Variants in MARCHF11 observed in about 807,000 individuals in gnomAD.
MARCHF11 encodes E3 ubiquitin-protein ligase MARCHF11.
In MARCHF11, 29 loss-of-function variants were observed where a neutral mutation model predicts 37.3. That is an observed-to-expected ratio of 0.78 (90% CI 0.58 to 1.06). The LOEUF is 1.06. Ranked by LOEUF, MARCHF11 falls within the 50% of genes least tolerant of loss-of-function variation. The probability of loss-of-function intolerance (pLI) is 0.00; values close to 1 mark genes in which losing one functional copy is unlikely to be tolerated. For synonymous variants in MARCHF11, 233 were observed against 228.0 expected, an observed-to-expected ratio of 1.02 and a Z score of -0.20; for missense variants, 482 against 533.4, an observed-to-expected ratio of 0.90 and a Z score of 0.95.
chr5:16,095,844 A>G (rs1162012120), intron 2 of MARCHF11, among the ~76,000 whole-genome samples: 2 of 152,178 alleles, frequency 1.3e-5, no homozygotes, highest in Non-Finnish European at 2.9e-5. Context: ...TCCCGGTGGC[A>G]GAAGCTGAGT....
chr5:16,085,967 A>AAAAAAAAAAAAT (rs1736692434), intron 3 of MARCHF11, among the ~76,000 whole-genome samples: 1 of 140,012 alleles, frequency 7.1e-6, no homozygotes, highest in South Asian at 2.4e-4. Flanking sequence ...AAAAAAAAAA[A>AAAAAAAAAAAAT]AAAAAAAAAA....
intron 2 of MARCHF11, among the ~76,000 whole-genome samples, chr5:16,146,409 C>G (rs2126594870): frequency 6.6e-6 from 1 of 152,264 alleles, no homozygotes; most frequent in East Asian, 1.9e-4. Context: ...CTATTTCTTC[C>G]CTTTCCACGG....
At chr5:16,147,133 G>A (rs1737811845) in intron 2 of MARCHF11, among the ~76,000 whole-genome samples, 1 of 152,130 alleles carries the variant, frequency 6.6e-6, no homozygotes, top group Admixed American at 6.5e-5. Context: ...TGCATTTAGA[G>A]GCAGGCACAG....
At position 16,109,657 on chromosome 5, in the gene MARCHF11, G is replaced by T. The variant is rs190186754; in HGVS notation, c.694-18576C>A. Among the ~76,000 whole-genome samples, 700 of 152,010 alleles carry T rather than the reference G, an allele frequency of 4.6e-3. 1 individual carries two copies. Among genetic ancestry groups the T allele is most frequent in the Non-Finnish European group, 7.1e-3 (480 of 68,002 alleles). On this transcript the variant is annotated intron_variant, in intron 2 of 3. Transcript: ENST00000332432. Reference sequence around the variant, plus strand: ...GCTAACAACTGGACCCAAGGCAGGTGGGGGGAGGCATGGAAACCCACAACT... The same window carrying T: ...GCTAACAACTGGACCCAAGGCAGGTTGGGGGAGGCATGGAAACCCACAACT...
At chr5:16,173,214 G>A (rs1017329373) in intron 2 of MARCHF11, among the ~76,000 whole-genome samples, 3 of 152,186 alleles carry the variant, frequency 2.0e-5, no homozygotes, top group Admixed American at 6.5e-5. Flanking sequence ...AAGAAGGAAA[G>A]TTGGTGAACA....
intron 3 of MARCHF11, among the ~76,000 whole-genome samples, chr5:16,087,359 T>C (rs1316614571): frequency 6.6e-6 from 1 of 152,224 alleles, no homozygotes; most frequent in Non-Finnish European, 1.5e-5. Flanking sequence ...TTTCACTTTA[T>C]TCACCTCTCT....
intron 2 of MARCHF11, among the ~76,000 whole-genome samples, chr5:16,106,798 A>G (rs1737048504): frequency 6.6e-6 from 1 of 152,010 alleles, no homozygotes; most frequent in African/African-American, 2.4e-5. Flanking sequence ...GCAACAAAAA[A>G]CCCTTCTGAC....
At chr5:16,162,289 A>C (rs1052554900) in intron 2 of MARCHF11, among the ~76,000 whole-genome samples, 1 of 151,966 alleles carries the variant, frequency 6.6e-6, no homozygotes. Flanking sequence ...GCTAGATATA[A>C]AATAGATTGA....
At chr5:16,168,208 A>G (rs1738202119) in intron 2 of MARCHF11, among the ~76,000 whole-genome samples, 1 of 152,060 alleles carries the variant, frequency 6.6e-6, no homozygotes, top group African/African-American at 2.4e-5. Flanking sequence ...GGTAACAAAT[A>G]TGAGTTTCAG....
intron 2 of MARCHF11, among the ~76,000 whole-genome samples, chr5:16,133,074 ATTT>A (rs11361544): frequency 6.6e-6 from 1 of 151,422 alleles, no homozygotes. Flanking sequence ...TCCTAAAATG[ATTT>A]TTTTTTAAGT....
At chr5:16,090,853 C>A in intron 3 of MARCHF11, 36 bp downstream of exon 3, 1 of 1,408,178 alleles carries the variant, frequency 7.1e-7, no homozygotes. Context: ...AAATGGATTA[C>A]TGACAGTGTG....
chr5:16,088,274 C>T (rs1736732557), intron 3 of MARCHF11, among the ~76,000 whole-genome samples: 1 of 152,182 alleles, frequency 6.6e-6, no homozygotes, highest in Admixed American at 6.5e-5. Flanking sequence ...GCACATCCCA[C>T]TGTATTCTAA....
At chr5:16,164,230 T>A (rs371989988) in intron 2 of MARCHF11, among the ~76,000 whole-genome samples, 2 of 152,136 alleles carry the variant, frequency 1.3e-5, no homozygotes, top group South Asian at 4.1e-4. Flanking sequence ...ATAAACATAT[T>A]TGCACCTAAC....
intron 2 of MARCHF11, among the ~76,000 whole-genome samples, chr5:16,158,891 C>T (rs901806083): frequency 6.6e-6 from 1 of 151,726 alleles, no homozygotes; most frequent in Non-Finnish European, 1.5e-5. Context: ...GTGTTTGTTG[C>T]CCCCTCCCTG....
intron 2 of MARCHF11, among the ~76,000 whole-genome samples, chr5:16,127,456 C>T (rs569940427): frequency 3.4e-4 from 52 of 152,244 alleles, no homozygotes; most frequent in East Asian, 1.9e-4. Context: ...TGTGAGCAAA[C>T]GGAACTTTTT....
At chr5:16,151,649 A>ATGTGTG (rs58891017) in intron 2 of MARCHF11, among the ~76,000 whole-genome samples, 36,529 of 131,164 alleles carry the variant, frequency 0.28, 5,487 homozygotes, top group Non-Finnish European at 0.33. Flanking sequence ...CGTGAGTTGA[A>ATGTGTG]TGTGTGTGTG....
chr5:16,093,045 C>T (rs187733275), intron 2 of MARCHF11, among the ~76,000 whole-genome samples: 4 of 152,230 alleles, frequency 2.6e-5, no homozygotes, highest in East Asian at 3.9e-4. Flanking sequence ...CCTAAATGGG[C>T]GCTACCATGT....
chr5:16,170,193 T>C (rs1738235945), intron 2 of MARCHF11, among the ~76,000 whole-genome samples: 1 of 152,128 alleles, frequency 6.6e-6, no homozygotes, highest in African/African-American at 2.4e-5. Flanking sequence ...ATATCCATGA[T>C]CATACAGTAA....
At chr5:16,153,327 C>T (rs1430012312) in intron 2 of MARCHF11, among the ~76,000 whole-genome samples, 1 of 151,896 alleles carries the variant, frequency 6.6e-6, no homozygotes, top group Non-Finnish European at 1.5e-5. Context: ...GCTGTGAAAA[C>T]AAGGACAACT....
Sources: gnomAD v4.1 joint callset for allele counts (sites outside exome capture counted in the v4.1 genomes callset) on GRCh38, gnomAD v4.1.1 for gene constraint, MANE v1.5 for transcripts, NCBI Gene and HGNC (gene_info 2026-07-23, HGNC 2026-07-21) for gene names.